The following RUVBL1 variants were observed in gnomAD, a reference collection of about 807,000 sequenced individuals.
RUVBL1 encodes the protein RuvB like AAA ATPase 1.
A neutral mutation model predicts 52.4 loss-of-function variants in RUVBL1; 4 were observed. That is an observed-to-expected ratio of 0.08 (90% confidence interval 0.04 to 0.17). The LOEUF is 0.17. Among genes scored for constraint, RUVBL1 ranks in the 10% least tolerant of loss-of-function variants. RUVBL1 has a pLI of 1.00. For missense variants in RUVBL1, 298 were observed against 572.8 expected (o/e 0.52, Z 4.90); for synonymous variants, 217 against 214.4 (o/e 1.01, Z -0.10).
chr3:128,104,727 A>G, intron 4 of RUVBL1, 46 bp downstream of exon 4: 1 of 1,538,212 alleles, frequency 6.5e-7, no homozygotes, highest in Non-Finnish European at 8.9e-7. Flanking sequence ...AAAGCCACAC[A>G]GTGCTGGGAG....
intron 6 of RUVBL1, among the ~76,000 whole-genome samples, chr3:128,099,889 C>T (rs1943073492): frequency 6.6e-6 from 1 of 152,146 alleles, no homozygotes; most frequent in South Asian, 2.1e-4. Flanking sequence ...TGACTCCCAG[C>T]CCAGCACTCT....
chr3:128,074,688 C>A (rs1486511328), intron 9 of RUVBL1, among the ~76,000 whole-genome samples: 2 of 151,800 alleles, frequency 1.3e-5, no homozygotes, highest in African/African-American at 4.8e-5. Flanking sequence ...ACTAAAAACA[C>A]AAAATTAGCT....
exon 1 of RUVBL1, chr3:128,153,379 A>C: frequency 7.2e-7 from 1 of 1,388,772 alleles, no homozygotes; most frequent in Non-Finnish European, 9.3e-7. Flanking sequence ...GGAGGGCGGA[A>C]GCTTCCGGGC....
At chr3:128,153,350 G>C (rs1235554887) in exon 1 of RUVBL1, 2 of 1,382,996 alleles carry the variant, frequency 1.4e-6, no homozygotes, top group African/African-American at 3.1e-5. Context: ...ACGGCGCTCG[G>C]CTGTGCCCGT....
In RUVBL1 at chr3:128,123,632, C is replaced by A. The variant is rs143044494; in HGVS notation, c.93G>T (p.Leu31Phe). Residue 31 changes from leucine (L) to phenylalanine (F), a missense_variant, in exon 1 of 11, where the codon TTG (leucine) becomes TTT (phenylalanine). This residue lies in a region of RUVBL1 where 71 missense variants were observed against 125.7 expected (regional missense o/e 0.57). Coordinates refer to ENST00000322623, the MANE Select transcript of RUVBL1 (RefSeq NM_003707.3). ...VKGLGLDESG[L>F]AKQAASGLVG... ...CAAGCCCTGAGGCCGCCTGCTTGGC[C>A]AAGCCGCTCTCGTCCAGCCCCAGCC... 11 of 1,612,196 alleles carry A rather than the reference C, an allele frequency of 6.8e-6. No homozygotes were observed. In the Admixed American group the frequency reaches 1.8e-4, roughly 27 times the overall value.
At position 128,082,248 on chromosome 3, in the gene RUVBL1, G is replaced by A. The variant is rs1942497242; in HGVS notation, c.1211+235C>T. On this transcript the variant is annotated intron_variant, in intron 10 of 10. Transcript: ENST00000322623. The surrounding 1 kb of genome is among the most constrained non-coding windows in gnomAD (Gnocchi z 4.7). ...CAGGGTCAAAGCACTCTCCACCAGA[G>A]GGGAGCATCTGCTGCAGGACATGGG... 5.9e-6 allele frequency: 3 copies of A among 505,026 alleles called. No individual in the cohort carries two copies. Among genetic ancestry groups the A allele is most frequent in the South Asian group, 4.3e-5 (2 of 46,536 alleles). 31.3% of individuals were successfully genotyped at this position (505,026 alleles called of 1,614,324 possible).
At chr3:128,119,036 C>A (rs1169421144) in intron 2 of RUVBL1, among the ~76,000 whole-genome samples, 3 of 152,116 alleles carry the variant, frequency 2.0e-5, no homozygotes, top group Admixed American at 1.3e-4. Context: ...CCTAGGCCAA[C>A]AGAAATGTAT....
intron 8 of RUVBL1, 176 bp from the exon 9 acceptor site, chr3:128,087,984 C>T (rs1304123052): frequency 7.7e-6 from 4 of 521,758 alleles, no homozygotes; most frequent in Non-Finnish European, 3.5e-6. Context: ...TCAGGCTAGG[C>T]GCAGTGGCTC....
chr3:128,078,566 G>C (rs1162356006), downstream of RUVBL1, among the ~76,000 whole-genome samples: 3 of 152,212 alleles, frequency 2.0e-5, no homozygotes, highest in African/African-American at 7.2e-5. Flanking sequence ...CCTGCGCTGA[G>C]AGCCTGGAAT....
intron 9 of RUVBL1, among the ~76,000 whole-genome samples, chr3:128,073,912 A>G (rs1304391175): frequency 6.6e-6 from 1 of 152,224 alleles, no homozygotes; most frequent in Admixed American, 6.5e-5. Flanking sequence ...GACATTCTTT[A>G]TATGTTGAGT....
rs267599597 is a variant in RUVBL1 at position 128,104,854 on chromosome 3, C to T, written c.432G>A (p.Glu144=). 5.6e-6 allele frequency: 9 copies of T among 1,613,644 alleles called. No individual in the cohort carries two copies. Among genetic ancestry groups the T allele is most frequent in the Non-Finnish European group, 7.6e-6 (9 of 1,179,696 alleles). ...EVTELTPCET[E]NPMGGYGKTI... is the part of the protein sequence containing the mutation. Reference sequence around the variant, plus strand: ...TTTTGCCATATCCTCCCATGGGATTCTCTGTCTCACACGGAGTTAGCTCTG... The same window carrying T: ...TTTTGCCATATCCTCCCATGGGATTTTCTGTCTCACACGGAGTTAGCTCTG... Residue 144 remains glutamate (E), a synonymous_variant, in exon 4 of 11, where the codon GAG becomes GAA. Coordinates refer to ENST00000322623, the MANE Select transcript of RUVBL1 (RefSeq NM_003707.3).
intron 5 of RUVBL1, 30 bp from the exon 6 acceptor site, chr3:128,100,774 G>T (rs750438567): frequency 1.2e-6 from 2 of 1,613,002 alleles, no homozygotes; most frequent in South Asian, 1.1e-5. Flanking sequence ...TGAGTGCCTG[G>T]TAAGTTTTCA....
intron 8 of RUVBL1, among the ~76,000 whole-genome samples, chr3:128,094,477 C>T (rs1197151944): frequency 6.6e-6 from 1 of 152,370 alleles, no homozygotes; most frequent in East Asian, 1.9e-4. Context: ...GTCAAAGCTC[C>T]ATCCCCGCTC....
chr3:128,141,529 T>C (rs1944020564), intron 1 of RUVBL1, among the ~76,000 whole-genome samples: 1 of 152,220 alleles, frequency 6.6e-6, no homozygotes, highest in South Asian at 2.1e-4. Flanking sequence ...AGAGTCTCGC[T>C]CTGTCACCCA....
intron 1 of RUVBL1, among the ~76,000 whole-genome samples, chr3:128,140,911 A>G (rs1425230891): frequency 6.6e-6 from 1 of 152,220 alleles, no homozygotes; most frequent in East Asian, 1.9e-4. Context: ...TCATGCAATG[A>G]CAAAATCACT....
At chr3:128,068,074 C>G in intron 9 of RUVBL1, 1 of 1,609,858 alleles carries the variant, frequency 6.2e-7, no homozygotes, top group East Asian at 2.2e-5. Flanking sequence ...GTGGTGGCCC[C>G]AGGTCCCCAA....
In RUVBL1 at chr3:128,082,850, C is replaced by A; in HGVS notation, c.1120-276G>T. On this transcript the variant is annotated intron_variant, in intron 9 of 10. Coordinates refer to ENST00000322623, the MANE Select transcript of RUVBL1 (RefSeq NM_003707.3). The surrounding 1 kb of genome is among the most constrained non-coding windows in gnomAD (Gnocchi z 4.7). ...GGCTGGTGCCCAAGGAGGTATGCAGCTTCCCAAGTGGCTCACTCTTGCCTC... is the reference window on the plus strand; with the variant it reads ...GGCTGGTGCCCAAGGAGGTATGCAGATTCCCAAGTGGCTCACTCTTGCCTC... 3.2e-6 allele frequency: 1 copy of A among 309,494 alleles called. No homozygotes were observed. Among genetic ancestry groups the A allele is most frequent in the Non-Finnish European group, 6.1e-6 (1 of 164,570 alleles). 19.2% of individuals were successfully genotyped at this position (309,494 alleles called of 1,614,324 possible).
At chr3:128,117,695 C>G (rs1943558987) in intron 2 of RUVBL1, among the ~76,000 whole-genome samples, 1 of 151,950 alleles carries the variant, frequency 6.6e-6, no homozygotes, top group South Asian at 2.1e-4. Flanking sequence ...TCACTGATAC[C>G]TCTGCCTCCC....
At chr3:128,112,249 G>A (rs751705716) in intron 3 of RUVBL1, among the ~76,000 whole-genome samples, 11 of 152,280 alleles carry the variant, frequency 7.2e-5, no homozygotes, top group African/African-American at 1.7e-4. Context: ...GAAAGATGTC[G>A]GATCAAACTA....
Sources: gnomAD v4.1 joint callset for allele counts (sites outside exome capture counted in the v4.1 genomes callset) on GRCh38, gnomAD v4.1.1 for gene constraint, gnomAD v4.1.1 regional missense constraint, Gnocchi (gnomAD v3.1) non-coding constraint, MANE v1.5 for transcripts, NCBI Gene and HGNC (gene_info 2026-07-23, HGNC 2026-07-21) for gene names.